ASIC2: variants seen among roughly 807,000 people sequenced by gnomAD.
ASIC2 encodes the protein acid-sensing ion channel 2.
In ASIC2, 25 loss-of-function variants were observed where a neutral mutation model predicts 57.3. The ratio of observed to expected loss-of-function variants is 0.44; its 90% CI spans 0.32 to 0.61. The LOEUF (loss-of-function observed/expected upper bound fraction) is 0.61, where lower values mean the gene tolerates loss of function less well. Ranked by LOEUF, ASIC2 falls within the 20% of genes least tolerant of loss-of-function variation. ASIC2 has a pLI of 0.06. For synonymous variants in ASIC2, 319 were observed against 307.5 expected (o/e 1.04, Z -0.39); for missense variants, 641 against 738.1 (o/e 0.87, Z 1.52).
At chr17:33,084,348 A>T (rs953122469) in intron 3 of ASIC2, among the ~76,000 whole-genome samples, 1 of 152,122 alleles carries the variant, frequency 6.6e-6, no homozygotes, top group Non-Finnish European at 1.5e-5. Flanking sequence ...GAGTAGCCTT[A>T]TTTCTTTGGG....
chr17:33,890,543 G>A (rs1029327789), intron 1 of ASIC2, among the ~76,000 whole-genome samples: 2 of 152,254 alleles, frequency 1.3e-5, no homozygotes, highest in Admixed American at 6.5e-5. Flanking sequence ...CAGAGGCCCA[G>A]TGAAGGACTT....
chr17:33,177,325 A>G (rs760876578), intron 1 of ASIC2, among the ~76,000 whole-genome samples: 1 of 152,250 alleles, frequency 6.6e-6, no homozygotes, highest in Non-Finnish European at 1.5e-5. Flanking sequence ...GAGCTCCTAT[A>G]TTACTGAGTA....
intron 1 of ASIC2, among the ~76,000 whole-genome samples, chr17:33,739,529 A>C (rs955906969): frequency 2.6e-5 from 4 of 152,254 alleles, no homozygotes; most frequent in Admixed American, 1.3e-4. Flanking sequence ...CTGCAGTTGC[A>C]GAAATATTAT....
chr17:33,477,225 A>C (rs1913259221), intron 1 of ASIC2, among the ~76,000 whole-genome samples: 1 of 152,156 alleles, frequency 6.6e-6, no homozygotes, highest in African/African-American at 2.4e-5. Context: ...GCAAAATATC[A>C]CCAAATTTCT....
intron 1 of ASIC2, among the ~76,000 whole-genome samples, chr17:33,672,883 C>T (rs1321667408): frequency 2.6e-5 from 4 of 152,156 alleles, no homozygotes; most frequent in African/African-American, 4.8e-5. Flanking sequence ...CCAGAGCTCA[C>T]TTTCTCTATC....
chr17:33,659,146 A>ACCAGGAAGACTGTG (rs1441385947), intron 1 of ASIC2, among the ~76,000 whole-genome samples: 1 of 152,224 alleles, frequency 6.6e-6, no homozygotes, highest in Non-Finnish European at 1.5e-5. Flanking sequence ...TAGTGTGGAC[A>ACCAGGAAGACTGTG]CCAGGAAGAC....
intron 1 of ASIC2, among the ~76,000 whole-genome samples, chr17:34,015,160 T>C (rs1906906974): frequency 6.6e-6 from 1 of 151,544 alleles, no homozygotes; most frequent in Admixed American, 6.6e-5. Context: ...CTATCTGCCT[T>C]GGCCTCCCCA....
At chr17:33,788,423 G>A (rs1911668755) in intron 1 of ASIC2, among the ~76,000 whole-genome samples, 1 of 152,110 alleles carries the variant, frequency 6.6e-6, no homozygotes, top group Admixed American at 6.5e-5. Flanking sequence ...GAGAGATGGT[G>A]GAGAAATAGG....
chr17:34,028,768 T>A (rs1406179469), intron 1 of ASIC2, among the ~76,000 whole-genome samples: 2 of 152,148 alleles, frequency 1.3e-5, no homozygotes, highest in Non-Finnish European at 2.9e-5. Context: ...GAGAAGCGAT[T>A]TCCTGCTCCT....
At chr17:33,712,895 T>G (rs1909096941) in intron 1 of ASIC2, among the ~76,000 whole-genome samples, 1 of 152,052 alleles carries the variant, frequency 6.6e-6, no homozygotes, top group South Asian at 2.1e-4. Flanking sequence ...TCCGCCCGCC[T>G]CGGCCTCCCA....
chr17:33,436,525 G>C (rs964660904), intron 1 of ASIC2, among the ~76,000 whole-genome samples: 5 of 152,132 alleles, frequency 3.3e-5, no homozygotes, highest in Non-Finnish European at 7.4e-5. Flanking sequence ...CCCAGAGAAC[G>C]ACTCAGCATA....
At chr17:33,468,549 G>A (rs1265745150) in intron 1 of ASIC2, among the ~76,000 whole-genome samples, 1 of 152,016 alleles carries the variant, frequency 6.6e-6, no homozygotes, top group Non-Finnish European at 1.5e-5. Context: ...CAATAATATA[G>A]TAATTTCATG....
intron 3 of ASIC2, among the ~76,000 whole-genome samples, chr17:33,048,416 T>G (rs2091963310): frequency 6.6e-6 from 1 of 152,190 alleles, no homozygotes; most frequent in Non-Finnish European, 1.5e-5. Context: ...GATCATGCCT[T>G]AGGAAACTGG....
At chr17:33,064,638 T>A (rs1330407352) in intron 3 of ASIC2, among the ~76,000 whole-genome samples, 1 of 151,980 alleles carries the variant, frequency 6.6e-6, no homozygotes, top group Non-Finnish European at 1.5e-5. Flanking sequence ...TACTCGGGGG[T>A]CAGGGACCCA....
At chr17:33,849,115 C>T (rs976129056) in intron 1 of ASIC2, among the ~76,000 whole-genome samples, 3 of 152,142 alleles carry the variant, frequency 2.0e-5, no homozygotes, top group African/African-American at 7.2e-5. Context: ...CCTTCTATAC[C>T]AGTGAATAAA....
At chr17:33,644,648 G>A (rs370311294) in intron 1 of ASIC2, among the ~76,000 whole-genome samples, 1 of 152,122 alleles carries the variant, frequency 6.6e-6, no homozygotes, top group Admixed American at 6.5e-5. Context: ...ATTGTATTGG[G>A]TTCAAAATGG....
At chr17:33,795,292 C>T (rs1379122854) in intron 1 of ASIC2, among the ~76,000 whole-genome samples, 1 of 152,266 alleles carries the variant, frequency 6.6e-6, no homozygotes, top group Non-Finnish European at 1.5e-5. Context: ...AGGCCCAGCC[C>T]TTCCCTTGGA....
intron 1 of ASIC2, among the ~76,000 whole-genome samples, chr17:34,085,249 G>T (rs1417730687): frequency 2.0e-5 from 3 of 152,000 alleles, no homozygotes; most frequent in Admixed American, 1.3e-4. Context: ...TTAGCATGAA[G>T]GTTGTTGAAT....
At chr17:33,772,920 G>T (rs1453402022) in intron 1 of ASIC2, among the ~76,000 whole-genome samples, 2 of 152,186 alleles carry the variant, frequency 1.3e-5, no homozygotes, top group Non-Finnish European at 2.9e-5. Context: ...GGCCAAGTGT[G>T]GGGGCGGATT....
Sources: gnomAD v4.1 joint callset for allele counts (sites outside exome capture counted in the v4.1 genomes callset) on GRCh38, gnomAD v4.1.1 for gene constraint, MANE v1.5 for transcripts, NCBI Gene and HGNC (gene_info 2026-07-23, HGNC 2026-07-21) for gene names.